The following CRHR1 variants were observed in gnomAD, a reference collection of about 807,000 sequenced individuals.
CRHR1 encodes the protein corticotropin releasing hormone receptor 1, also known as corticotropin-releasing hormone receptor 1.
Under a neutral mutation model 56.0 loss-of-function variants are expected in CRHR1, and 28 were observed. The ratio of observed to expected loss-of-function variants is 0.50; its 90% CI spans 0.37 to 0.69. CRHR1 has a LOEUF of 0.69. Among genes scored for constraint, CRHR1 ranks in the 30% least tolerant of loss-of-function variants. The pLI is 0.00. For missense variants in CRHR1, 376 were observed against 548.0 expected (o/e 0.69, Z 3.13); for synonymous variants, 195 against 216.5 (o/e 0.90, Z 0.87).
intron 1 of CRHR1, among the ~76,000 whole-genome samples, chr17:45,786,806 A>T (rs560153135): frequency 5.3e-5 from 8 of 152,020 alleles, no homozygotes; most frequent in African/African-American, 1.7e-4. Flanking sequence ...ACACCCAGCT[A>T]ATCTTTGTAT....
intron 5 of CRHR1, among the ~76,000 whole-genome samples, chr17:45,829,840 T>G (rs372370226): frequency 1.7e-3 from 251 of 151,788 alleles, no homozygotes; most frequent in African/African-American, 5.8e-3. Context: ...CCAGCTGCCC[T>G]GGTCCATGGA....
chr17:45,801,272 G>A (rs948696585), intron 1 of CRHR1, among the ~76,000 whole-genome samples: 10 of 152,182 alleles, frequency 6.6e-5, no homozygotes, highest in Non-Finnish European at 1.2e-4. Context: ...GCCAGAAGGC[G>A]CGACTGTCTT....
At chr17:45,790,393 A>G (rs536470104) in intron 1 of CRHR1, among the ~76,000 whole-genome samples, 62 of 152,346 alleles carry the variant, frequency 4.1e-4, no homozygotes, top group African/African-American at 1.4e-3. Context: ...TTCATGAAAC[A>G]GGCATGTCAG....
chr17:45,806,629 A>G (rs1386962042), intron 1 of CRHR1, among the ~76,000 whole-genome samples: 1 of 152,178 alleles, frequency 6.6e-6, no homozygotes, highest in Non-Finnish European at 1.5e-5. Flanking sequence ...GTGTGTGTGC[A>G]CATGCACACG....
intron 4 of CRHR1, among the ~76,000 whole-genome samples, chr17:45,823,696 CAA>C (rs1052781365): frequency 6.6e-6 from 1 of 152,316 alleles, no homozygotes; most frequent in South Asian, 2.1e-4. Flanking sequence ...TGGCGTGAAA[CAA>C]AGTTAACGGA....
At chr17:45,824,702 A>G (rs1472460084) in intron 4 of CRHR1, among the ~76,000 whole-genome samples, 1 of 152,186 alleles carries the variant, frequency 6.6e-6, no homozygotes, top group African/African-American at 2.4e-5. Flanking sequence ...TTGGGTTTCA[A>G]CGGGAACCTG....
At chr17:45,806,221 T>A (rs992004228) in intron 1 of CRHR1, among the ~76,000 whole-genome samples, 1 of 152,180 alleles carries the variant, frequency 6.6e-6, no homozygotes, top group Non-Finnish European at 1.5e-5. Context: ...CCTCCAGGTA[T>A]AGGGCCTATG....
chr17:45,806,422 G>A (rs534443101), intron 1 of CRHR1, among the ~76,000 whole-genome samples: 1 of 152,236 alleles, frequency 6.6e-6, no homozygotes, highest in Non-Finnish European at 1.5e-5. Flanking sequence ...GGAAAATTTA[G>A]TGTCACGGCA....
intron 2 of CRHR1, among the ~76,000 whole-genome samples, chr17:45,810,928 G>A (rs576835096): frequency 2.9e-4 from 44 of 152,352 alleles, no homozygotes; most frequent in African/African-American, 9.9e-4. Context: ...CCTCTGACTG[G>A]GCAAGAACGT....
At chr17:45,797,954 C>A (rs1167275565) in intron 1 of CRHR1, among the ~76,000 whole-genome samples, 1 of 152,138 alleles carries the variant, frequency 6.6e-6, no homozygotes, top group African/African-American at 2.4e-5. Flanking sequence ...ACCCAGAGTG[C>A]TTTTTCCTCT....
At chr17:45,831,057 C>T in intron 8 of CRHR1, 117 bp downstream of exon 8, 3 of 976,288 alleles carry the variant, frequency 3.1e-6, no homozygotes, top group Non-Finnish European at 3.2e-6. Flanking sequence ...ATGGTTTCTG[C>T]ATCTATAAAG....
intron 1 of CRHR1, among the ~76,000 whole-genome samples, chr17:45,805,722 C>T (rs71375320): frequency 0.021 from 3,211 of 152,228 alleles, 37 homozygotes; most frequent in Non-Finnish European, 0.033. Flanking sequence ...CCCAGCTCCC[C>T]ACAGCCAGAG....
intron 3 of CRHR1, among the ~76,000 whole-genome samples, chr17:45,818,316 CAT>C (rs2143086281): frequency 6.6e-6 from 1 of 152,366 alleles, no homozygotes; most frequent in South Asian, 2.1e-4. Context: ...GGCCACCCCC[CAT>C]GAGTTCCCTC....
intron 10 of CRHR1, 21 bp from the exon 11 acceptor site, chr17:45,833,693 T>TGGGGGGGGGGGGCCG: frequency 6.4e-7 from 1 of 1,571,616 alleles, no homozygotes; most frequent in Non-Finnish European, 8.7e-7. Flanking sequence ...ACTCCGAGCC[T>TGGGGGGGGGGGGCCG]CCCCACCCGC....
chr17:45,799,146 G>A (rs1191804460), intron 1 of CRHR1, among the ~76,000 whole-genome samples: 1 of 152,228 alleles, frequency 6.6e-6, no homozygotes, highest in African/African-American at 2.4e-5. Flanking sequence ...CCACCTGTGG[G>A]TGGATGAGAA....
chr17:45,813,153 C>T (rs982556228), intron 2 of CRHR1, among the ~76,000 whole-genome samples: 3 of 152,234 alleles, frequency 2.0e-5, no homozygotes, highest in African/African-American at 7.2e-5. Flanking sequence ...AAGGCAGTCC[C>T]AGGCCGGGAA....
intron 1 of CRHR1, among the ~76,000 whole-genome samples, chr17:45,795,213 C>T (rs2146272578): frequency 6.6e-6 from 1 of 152,324 alleles, no homozygotes; most frequent in East Asian, 1.9e-4. Context: ...ACAGGGCATT[C>T]ACCAAGAAGA....
At chr17:45,821,636 A>G (rs901559546) in intron 4 of CRHR1, among the ~76,000 whole-genome samples, 196 bp downstream of exon 4, 1 of 152,196 alleles carries the variant, frequency 6.6e-6, no homozygotes, top group Non-Finnish European at 1.5e-5. Context: ...GGCTGGACCA[A>G]TGGGGCACTG....
chr17:45,830,666 A>T, intron 7 of CRHR1, 96 bp downstream of exon 7: 1 of 1,474,412 alleles, frequency 6.8e-7, no homozygotes, highest in Non-Finnish European at 9.1e-7. Context: ...GGCCTGAGGG[A>T]TGGAGGTCGG....
Sources: gnomAD v4.1 joint callset for allele counts (sites outside exome capture counted in the v4.1 genomes callset) on GRCh38, gnomAD v4.1.1 for gene constraint, MANE v1.5 for transcripts, NCBI Gene and HGNC (gene_info 2026-07-23, HGNC 2026-07-21) for gene names.